NLGN1: variants seen among roughly 807,000 people sequenced by gnomAD.
NLGN1 encodes neuroligin 1, also known as neuroligin-1.
NLGN1 carries 12 observed loss-of-function variants against 65.5 expected under a neutral mutation model. That is an observed-to-expected ratio of 0.18 (90% CI 0.12 to 0.30). NLGN1 has a LOEUF of 0.30. NLGN1 is among the 10% of genes least tolerant of loss of function. The pLI is 1.00. For missense variants in NLGN1, 750 were observed against 1,007.1 expected (o/e 0.74, Z 3.46); for synonymous variants, 350 against 359.5 (o/e 0.97, Z 0.30).
At chr3:173,668,967 G>A (rs1163388057) in intron 3 of NLGN1, among the ~76,000 whole-genome samples, 1 of 152,132 alleles carries the variant, frequency 6.6e-6, no homozygotes, top group Non-Finnish European at 1.5e-5. Context: ...CTTTGTTCAA[G>A]GGTATTCTGT....
chr3:174,284,019 A>G (rs1751845164), exon 7 of NLGN1: 2 of 151,372 alleles, frequency 1.3e-5, no homozygotes, highest in Admixed American at 6.6e-5. Flanking sequence ...TATTTATATC[A>G]TCTACCTACC....
intron 4 of NLGN1, among the ~76,000 whole-genome samples, chr3:173,882,699 G>T (rs911337149): frequency 1.3e-5 from 2 of 152,178 alleles, no homozygotes; most frequent in Non-Finnish European, 2.9e-5. Context: ...TGGCTTAAGG[G>T]AATATTGTTG....
At chr3:174,148,652 A>G (rs953396810) in intron 4 of NLGN1, among the ~76,000 whole-genome samples, 11 of 152,196 alleles carry the variant, frequency 7.2e-5, no homozygotes, top group African/African-American at 2.7e-4. Context: ...CATGGGTTAG[A>G]AGAAACTTTA....
At chr3:173,510,600 A>C (rs1239828480) in intron 2 of NLGN1, among the ~76,000 whole-genome samples, 1 of 152,212 alleles carries the variant, frequency 6.6e-6, no homozygotes, top group Non-Finnish European at 1.5e-5. Flanking sequence ...TCTTGGGCCT[A>C]GTTCTTGCAA....
At chr3:174,151,260 G>A (rs1229300201) in intron 4 of NLGN1, among the ~76,000 whole-genome samples, 2 of 151,702 alleles carry the variant, frequency 1.3e-5, no homozygotes, top group Non-Finnish European at 1.5e-5. Context: ...ACATGTTTTT[G>A]TATAGTACCT....
intron 4 of NLGN1, among the ~76,000 whole-genome samples, chr3:173,809,756 A>C (rs1405213660): frequency 6.6e-6 from 1 of 152,190 alleles, no homozygotes; most frequent in Non-Finnish European, 1.5e-5. Context: ...TCCTATATTC[A>C]TGCCCATACC....
chr3:174,143,012 G>A (rs1203666127), intron 4 of NLGN1, among the ~76,000 whole-genome samples: 5 of 152,056 alleles, frequency 3.3e-5, no homozygotes, highest in African/African-American at 1.2e-4. Flanking sequence ...GACAGAGAAC[G>A]AGGAGGTCTC....
At chr3:173,922,079 A>G (rs1268139942) in intron 4 of NLGN1, among the ~76,000 whole-genome samples, 1 of 152,070 alleles carries the variant, frequency 6.6e-6, no homozygotes, top group Admixed American at 6.6e-5. Context: ...TACTTTAATC[A>G]GTTTCTAAAT....
intron 4 of NLGN1, among the ~76,000 whole-genome samples, chr3:173,885,028 A>G (rs976540275): frequency 6.6e-6 from 1 of 152,174 alleles, no homozygotes; most frequent in Non-Finnish European, 1.5e-5. Flanking sequence ...ATCACCTGCT[A>G]AAGTCCCCAC....
intron 2 of NLGN1, among the ~76,000 whole-genome samples, chr3:173,463,332 G>A (rs946648364): frequency 6.6e-6 from 1 of 152,086 alleles, no homozygotes; most frequent in Non-Finnish European, 1.5e-5. Context: ...TACATAAAAT[G>A]TGCTTGTTCT....
chr3:174,244,025 G>A (rs1221432715), intron 4 of NLGN1, among the ~76,000 whole-genome samples: 1 of 152,118 alleles, frequency 6.6e-6, no homozygotes, highest in African/African-American at 2.4e-5. Context: ...CTTTACTTCT[G>A]ATTCATTTTT....
intron 3 of NLGN1, among the ~76,000 whole-genome samples, chr3:173,648,976 A>G (rs1029980439): frequency 5.3e-5 from 8 of 152,192 alleles, no homozygotes; most frequent in Admixed American, 2.6e-4. Context: ...TAGAACCTTT[A>G]TTTCTATTAG....
chr3:173,653,734 T>G (rs1181847170), intron 3 of NLGN1, among the ~76,000 whole-genome samples: 1 of 152,190 alleles, frequency 6.6e-6, no homozygotes, highest in African/African-American at 2.4e-5. Flanking sequence ...TATGATTTGC[T>G]TGTCTATTGG....
chr3:173,543,972 T>C (rs1739321904), intron 2 of NLGN1, among the ~76,000 whole-genome samples: 1 of 152,026 alleles, frequency 6.6e-6, no homozygotes, highest in Admixed American at 6.6e-5. Context: ...TTAGATGAAA[T>C]CTAAGTGATA....
intron 4 of NLGN1, among the ~76,000 whole-genome samples, chr3:174,156,840 C>T (rs1178969658): frequency 6.6e-6 from 1 of 151,552 alleles, no homozygotes; most frequent in Non-Finnish European, 1.5e-5. Flanking sequence ...TAATTGTAAA[C>T]TACATTTACT....
intron 2 of NLGN1, among the ~76,000 whole-genome samples, chr3:173,460,778 C>T (rs1723248044): frequency 6.6e-6 from 1 of 152,022 alleles, no homozygotes; most frequent in African/African-American, 2.4e-5. Flanking sequence ...TTGATGTCTA[C>T]ATGGAAATAA....
At chr3:173,562,121 G>C (rs572239244) in intron 2 of NLGN1, among the ~76,000 whole-genome samples, 4 of 152,286 alleles carry the variant, frequency 2.6e-5, no homozygotes, top group African/African-American at 7.2e-5. Flanking sequence ...CCATTGAAAG[G>C]CATGTTCAAG....
intron 3 of NLGN1, among the ~76,000 whole-genome samples, chr3:173,671,281 C>T (rs904679074): frequency 3.3e-5 from 5 of 152,108 alleles, no homozygotes; most frequent in Admixed American, 6.5e-5. Context: ...CCATGGATTG[C>T]GTGAGCCCAG....
intron 2 of NLGN1, among the ~76,000 whole-genome samples, chr3:173,437,299 A>G (rs1274223199): frequency 1.3e-5 from 2 of 152,148 alleles, no homozygotes; most frequent in East Asian, 1.9e-4. Context: ...ACATGTGTCT[A>G]TTGTGGCCAT....
Sources: gnomAD v4.1 joint callset for allele counts (sites outside exome capture counted in the v4.1 genomes callset) on GRCh38, gnomAD v4.1.1 for gene constraint, MANE v1.5 for transcripts, NCBI Gene and HGNC (gene_info 2026-07-23, HGNC 2026-07-21) for gene names.